Variants in ZNF527 observed in about 807,000 individuals in gnomAD.
ZNF527 encodes the protein zinc finger protein 527.
Under a neutral mutation model 13.5 loss-of-function variants are expected in ZNF527, and 5 were observed. The ratio of observed to expected loss-of-function variants is 0.37; its 90% CI spans 0.19 to 0.78. The LOEUF is 0.78. Among genes scored for constraint, ZNF527 ranks in the 30% least tolerant of loss-of-function variants. The pLI is 0.48. For missense variants in ZNF527, 628 were observed against 726.4 expected, an observed-to-expected ratio of 0.86 and a Z score of 1.56; for synonymous variants, 209 against 243.1, an observed-to-expected ratio of 0.86 and a Z score of 1.30.
chr19:37,386,951 C>T (rs1256638463), intron 4 of ZNF527, among the ~76,000 whole-genome samples: 3 of 148,260 alleles, frequency 2.0e-5, no homozygotes, highest in Non-Finnish European at 4.5e-5. Context: ...AAAGGACAGG[C>T]GAACAAGGCC....
rs943293035 is a variant in ZNF527 at position 37,374,155 on chromosome 19, C to A, written c.-41-3C>A. 2 of 1,600,088 alleles carry A rather than the reference C, an allele frequency of 1.2e-6. No homozygotes were observed. Among genetic ancestry groups the A allele is most frequent in the Non-Finnish European group, 1.7e-6 (2 of 1,167,570 alleles). ...CATTTCTTCATTAACTCTCCCTTCTCAGGACTTTGTTCTTCTTCAGAAGAG... is the reference window on the plus strand; with the variant it reads ...CATTTCTTCATTAACTCTCCCTTCTAAGGACTTTGTTCTTCTTCAGAAGAG... On this transcript the variant is annotated splice_region_variant and splice_polypyrimidine_tract_variant and intron_variant, in intron 1 of 4. Coordinates refer to ENST00000436120, the MANE Select transcript of ZNF527 (RefSeq NM_032453.2).
At chr19:37,376,682 C>CAAAAAAAA (rs35179002) in intron 2 of ZNF527, among the ~76,000 whole-genome samples, 1 of 48,542 alleles carries the variant, frequency 2.1e-5, no homozygotes, top group Admixed American at 2.3e-4. Context: ...ACTCCATCTC[C>CAAAAAAAA]AAAAAAAAAA....
At chr19:37,372,176 T>G (rs2040562956) in intron 1 of ZNF527, among the ~76,000 whole-genome samples, 1 of 151,724 alleles carries the variant, frequency 6.6e-6, no homozygotes, top group Non-Finnish European at 1.5e-5. Flanking sequence ...GTTTTTGTAT[T>G]TTTAGTAGAG....
intron 1 of ZNF527, among the ~76,000 whole-genome samples, chr19:37,372,286 G>A (rs894476763): frequency 4.0e-5 from 6 of 151,460 alleles, no homozygotes; most frequent in Non-Finnish European, 7.4e-5. Context: ...GGCGTGAGGC[G>A]CTGCGCCCTG....
In ZNF527 at chr19:37,376,523, A is replaced by T. The variant is rs142395591; in HGVS notation, c.33+2292A>T. Among the ~76,000 whole-genome samples, 957 of 151,890 alleles carry T rather than the reference A, an allele frequency of 6.3e-3. 25 individuals are homozygous for T. The highest frequency in any genetic ancestry group is 0.053 in the East Asian group (273 of 5,144). On this transcript the variant is annotated intron_variant, in intron 2 of 4. Transcript: ENST00000436120. Reference sequence around the variant, plus strand: ...ACCCCATCTCTACTAATAATACAAAAATCAGCCAGGTGTGGTAGCGCATGC... The same window carrying T: ...ACCCCATCTCTACTAATAATACAAATATCAGCCAGGTGTGGTAGCGCATGC...
intron 4 of ZNF527, among the ~76,000 whole-genome samples, chr19:37,383,877 T>A (rs535131849): frequency 6.6e-6 from 1 of 152,306 alleles, no homozygotes; most frequent in South Asian, 2.1e-4. Context: ...GTAGGGCTTA[T>A]ATACAATACA....
In ZNF527 at chr19:37,379,127, T is replaced by C; in HGVS notation, c.41T>C (p.Val14Ala). The C allele has an allele frequency of 6.2e-7, 1 of 1,614,100 alleles. No individual in the cohort carries two copies. The highest frequency in any genetic ancestry group is 8.5e-7 in the Non-Finnish European group (1 of 1,179,998). Residue 14 changes from valine to alanine, a missense_variant, in exon 3 of 5, where the codon GTG becomes GCG. By Grantham distance (64) the Val-to-Ala change is moderately conservative. Around this residue, in one of 3 missense-constraint regions of ZNF527, gnomAD observed 33 missense variants for 31.2 expected, o/e 1.06. Coordinates refer to ENST00000436120, the MANE Select transcript of ZNF527 (RefSeq NM_032453.2). ...AGAATTTTTTTATTTCAGGGGTTGG[T>C]GACCTTCAGAGATGTGGCGCTAGAC... Reference protein sequence around the residue: ...GLCKAMSQGLVTFRDVALDFS... With the variant: ...GLCKAMSQGLATFRDVALDFS...
chr19:37,374,642 A>T (rs1172515442), intron 2 of ZNF527, among the ~76,000 whole-genome samples: 1 of 152,222 alleles, frequency 6.6e-6, no homozygotes, highest in Non-Finnish European at 1.5e-5. Context: ...GTACAAAGTT[A>T]TTATGGTGGG....
rs1286281605 is a variant in ZNF527 at position 37,375,310 on chromosome 19, CTTTT to C, written c.33+1080_33+1083del. On this transcript the variant is annotated intron_variant, in intron 2 of 4. Transcript: ENST00000436120. Reference sequence around the variant, plus strand: ...TCTTTCTTTCTTTCTTTCTTTCTTTCTTTTCTTTCTTTCTTTCTTTCTTTCTTTC... The same window carrying C: ...TCTTTCTTTCTTTCTTTCTTTCTTTCCTTTCTTTCTTTCTTTCTTTCTTTC... Among the ~76,000 whole-genome samples, 507 of 55,782 alleles carry C rather than the reference CTTTT, an allele frequency of 9.1e-3. 7 individuals carry two copies. The highest frequency in any genetic ancestry group is 0.029 in the Admixed American group (149 of 5,200). The allele number at this position is 55,782 out of a possible 152,430, so 36.6% of individuals were successfully genotyped here.
chr19:37,382,349 ATATT>A (rs891833163), intron 4 of ZNF527, among the ~76,000 whole-genome samples: 2 of 151,998 alleles, frequency 1.3e-5, no homozygotes, highest in African/African-American at 4.8e-5. Flanking sequence ...ACACACCCCT[ATATT>A]TATTTCTGCC....
rs983206922 is a variant in ZNF527 at position 37,383,482 on chromosome 19, CT to C, written c.256+3112del. Among the ~76,000 whole-genome samples, 11 of 151,594 alleles carry C rather than the reference CT, an allele frequency of 7.3e-5. No homozygotes were observed. The South Asian group carries it at 8.4e-4, about 12-fold the overall frequency. On this transcript the variant is annotated intron_variant, in intron 4 of 4. Transcript: ENST00000436120. ...AACTCCTGACCTCAGGTGATCCACC[CT>C]TCTTGGCCTCCCAATGTGCTGGGAT...
In ZNF527 at chr19:37,388,661, A is replaced by C; in HGVS notation, c.612A>C (p.Ser204=). The stretch of plus-strand genomic sequence containing the variant: ...ATGATAAACTCTTCCCCCAAAATTC[A>C]GTCATAATTGAATATAAAAGACTCC... The part of the protein sequence containing the change: ...DIYDKLFPQN[S]VIIEYKRLHA... Residue 204 remains serine (S), a synonymous_variant, in exon 5 of 5, where the codon TCA becomes TCC. Transcript: ENST00000436120. The C allele has an allele frequency of 6.2e-7, 1 of 1,613,096 alleles. No individual in the cohort carries two copies. The highest frequency in any genetic ancestry group is 8.5e-7 in the Non-Finnish European group (1 of 1,179,722).
Position 37,388,895 on chromosome 19 carries a change from C to G in ZNF527, c.846C>G (p.Ala282=), listed in dbSNP as rs781298704. ...LPHGYDECGD[A]FSCYSFFTQP... is the part of the protein sequence containing the mutation. ...ATGGATACGATGAATGTGGTGATGC[C>G]TTTAGCTGTTACTCATTCTTTACTC... The change falls in exon 5 of 5, where the codon GCC becomes GCG. Residue 282 remains alanine (A), a synonymous_variant. Transcript: ENST00000436120. The G allele has an allele frequency of 6.8e-6, 11 of 1,614,098 alleles. No individual in the cohort carries two copies. The Admixed American group carries it at 1.7e-4, about 24-fold the overall frequency.
Position 37,388,958 on chromosome 19 carries a change from A to G in ZNF527, c.909A>G (p.Ala303=), listed in dbSNP as rs1310159265. The change falls in exon 5 of 5, where the codon GCA becomes GCG. Residue 303 remains alanine, a synonymous_variant. Transcript: ENST00000436120. The part of the protein sequence containing the change: ...QRIHSGEKPY[A]CNDCGKAFSH... ...TTCACAGTGGAGAAAAACCATATGC[A>G]TGCAATGACTGTGGAAAAGCCTTTA... 3.9e-6 allele frequency: 6 copies of G among 1,523,144 alleles called. No homozygotes were observed. Among genetic ancestry groups the G allele is most frequent in the Non-Finnish European group, 5.4e-6 (6 of 1,102,124 alleles). The allele number at this position is 1,523,144 out of a possible 1,614,324, so 94.4% of individuals were successfully genotyped here.
At chr19:37,386,024 A>C (rs2040694900) in intron 4 of ZNF527, among the ~76,000 whole-genome samples, 1 of 150,876 alleles carries the variant, frequency 6.6e-6, no homozygotes, top group African/African-American at 2.4e-5. Flanking sequence ...TTCTCCCTTT[A>C]ATGGACTCTT....
intron 1 of ZNF527, among the ~76,000 whole-genome samples, chr19:37,371,992 C>A (rs1223883860): frequency 6.7e-6 from 1 of 149,452 alleles, no homozygotes; most frequent in African/African-American, 2.5e-5. Context: ...CTCTAGAGGT[C>A]TCGCTTTTTT....
chr19:37,372,870 C>G (rs940471232), intron 1 of ZNF527, among the ~76,000 whole-genome samples: 5 of 152,102 alleles, frequency 3.3e-5, no homozygotes, highest in African/African-American at 4.8e-5. Context: ...TAAAATTTGG[C>G]GATGTTTCCC....
At chr19:37,384,189 GTT>G (rs1454129160) in intron 4 of ZNF527, among the ~76,000 whole-genome samples, 15 of 151,994 alleles carry the variant, frequency 9.9e-5, no homozygotes, top group Non-Finnish European at 2.2e-4. Context: ...GTGGTGGTGT[GTT>G]CCTGTAATCC....
In ZNF527 at chr19:37,384,376, T is replaced by C. The variant is rs192742779; in HGVS notation, c.257-3930T>C. 3.6e-3 allele frequency among the ~76,000 whole-genome samples: 543 copies of C among 152,226 alleles called. 4 individuals are homozygous for C. Among genetic ancestry groups the C allele is most frequent in the African/African-American group, 0.013 (521 of 41,560 alleles). The stretch of plus-strand genomic sequence containing the variant: ...AGCCTGACATGGTGCTGTGCACTTA[T>C]TATTCCAACTACTTAGGAGACTGAG... On this transcript the variant is annotated intron_variant, in intron 4 of 4. Coordinates refer to ENST00000436120, the MANE Select transcript of ZNF527 (RefSeq NM_032453.2).
Sources: allele counts gnomAD v4.1 joint callset (sites outside exome capture counted in the v4.1 genomes callset), GRCh38; gene constraint gnomAD v4.1.1; regional missense constraint gnomAD v4.1.1; transcripts MANE v1.5; gene names NCBI Gene and HGNC (gene_info 2026-07-23, HGNC 2026-07-21).